Variants in IKZF3 observed in about 807,000 individuals in gnomAD.
The protein encoded by IKZF3 is IKAROS family zinc finger 3.
Under a neutral mutation model 49.0 loss-of-function variants are expected in IKZF3, and 10 were observed. The observed-to-expected ratio is 0.20, with a 90% confidence interval of 0.13 to 0.35. The LOEUF (loss-of-function observed/expected upper bound fraction) is 0.35. Among genes scored for constraint, IKZF3 ranks in the 10% least tolerant of loss-of-function variants. The probability of loss-of-function intolerance (pLI) is 1.00; values close to 1 mark genes in which losing one functional copy is unlikely to be tolerated. For synonymous variants in IKZF3, 209 were observed against 228.2 expected, an observed-to-expected ratio of 0.92 and a Z score of 0.76; for missense variants, 498 against 664.8, an observed-to-expected ratio of 0.75 and a Z score of 2.76.
chr17:39,850,638 T>C, intron 1 of IKZF3, among the ~76,000 whole-genome samples: 1 of 1,972 alleles, frequency 5.1e-4, no homozygotes, highest in South Asian at 0.17. Flanking sequence ...ATATATAGCA[T>C]AAATAACATA....
At chr17:39,802,146 C>T (rs375375105) in intron 3 of IKZF3, among the ~76,000 whole-genome samples, 14 of 148,092 alleles carry the variant, frequency 9.5e-5, no homozygotes, top group African/African-American at 3.5e-4. Flanking sequence ...GCTGTGAACC[C>T]GGGAGGCGGA....
chr17:39,864,281 C>A lies in IKZF3; in HGVS notation c.-155G>T, dbSNP rs1486808006. ...CCGCGTCGGCGCAGACTGAAAAGGG[C>A]AGGAGCCGGCGACCTGCCGGTGCGC... is the stretch of plus-strand genomic sequence containing the variant. On this transcript the variant is annotated 5_prime_UTR_variant, in exon 1 of 8. Coordinates refer to ENST00000346872, the MANE Select transcript of IKZF3 (RefSeq NM_012481.5). 3 of 789,576 alleles carry A rather than the reference C, an allele frequency of 3.8e-6. No individual in the cohort carries two copies. Among genetic ancestry groups the A allele is most frequent in the Non-Finnish European group, 3.9e-6 (2 of 513,906 alleles). The allele number at this position is 789,576 out of a possible 1,614,324, so 48.9% of individuals were successfully genotyped here. A position where few individuals can be genotyped will look rare whatever the true frequency, so the allele number is the denominator to read the frequency against.
At chr17:39,767,775 A>C (rs1416861770) in intron 7 of IKZF3, among the ~76,000 whole-genome samples, 2 of 152,162 alleles carry the variant, frequency 1.3e-5, no homozygotes, top group African/African-American at 4.8e-5. Flanking sequence ...GTATAAGTTA[A>C]AAGTTGGCCG....
In IKZF3 at chr17:39,762,149, A is replaced by G. The variant is rs1482529953; in HGVS notation, c.*3641T>C. ...GGAGTCTGCATGAGAAAGTACAGGT[A>G]CTATCTGAAGCTGCTCCAGGGCTTC... On this transcript the variant is annotated 3_prime_UTR_variant, in exon 8 of 8. Coordinates refer to ENST00000346872, the MANE Select transcript of IKZF3 (RefSeq NM_012481.5). The G allele has an allele frequency of 6.6e-6, 1 of 152,244 alleles. No homozygotes were observed. The highest frequency in any genetic ancestry group is 2.4e-5 in the African/African-American group (1 of 41,456). The allele number at this position is 152,244 out of a possible 1,614,324, so 9.4% of individuals were successfully genotyped here. A position where few individuals can be genotyped will look rare whatever the true frequency, so the allele number is the denominator to read the frequency against.
Position 39,757,906 on chromosome 17 carries a change from T to G in IKZF3, c.*7884A>C, listed in dbSNP as rs2060100607. On this transcript the variant is annotated 3_prime_UTR_variant, in exon 8 of 8. Transcript: ENST00000346872. ...TTCACAGTTCCACACATGGCTGGGCTCCAGGTAGAACTCCATAGGAGTGAC... is the reference window on the plus strand; with the variant it reads ...TTCACAGTTCCACACATGGCTGGGCGCCAGGTAGAACTCCATAGGAGTGAC... The G allele has an allele frequency of 6.6e-6, 1 of 152,182 alleles. No homozygotes were observed. The highest frequency in any genetic ancestry group is 2.1e-4 in the South Asian group (1 of 4,832). 9.4% of individuals were successfully genotyped at this position (152,182 alleles called of 1,614,324 possible).
intron 3 of IKZF3, among the ~76,000 whole-genome samples, chr17:39,823,126 G>A (rs866806194): frequency 6.6e-6 from 1 of 152,182 alleles, no homozygotes; most frequent in African/African-American, 2.4e-5. Context: ...ACTTCCTAGA[G>A]ACTTGTTGAA....
At chr17:39,804,966 G>A (rs933311717) in intron 3 of IKZF3, among the ~76,000 whole-genome samples, 1 of 152,106 alleles carries the variant, frequency 6.6e-6, no homozygotes. Context: ...CGGTAGACCT[G>A]GAAAGCCATA....
chr17:39,845,280 G>A (rs913712744), intron 1 of IKZF3, among the ~76,000 whole-genome samples: 5 of 152,072 alleles, frequency 3.3e-5, no homozygotes, highest in Non-Finnish European at 5.9e-5. Flanking sequence ...CCAGCACTTC[G>A]GAAGGCTGAG....
At chr17:39,798,073 T>C (rs1424253993) in intron 3 of IKZF3, among the ~76,000 whole-genome samples, 2 of 152,152 alleles carry the variant, frequency 1.3e-5, no homozygotes, top group African/African-American at 2.4e-5. Flanking sequence ...AGTGGTTCTA[T>C]CTGTGTATCC....
At chr17:39,820,151 A>C (rs993005493) in intron 3 of IKZF3, among the ~76,000 whole-genome samples, 1 of 152,242 alleles carries the variant, frequency 6.6e-6, no homozygotes, top group Non-Finnish European at 1.5e-5. Flanking sequence ...GAAGGCTGGA[A>C]GGAGAGTAGA....
In IKZF3 at chr17:39,848,443, T is replaced by C. The variant is rs547934262; in HGVS notation, c.7+15677A>G. On this transcript the variant is annotated intron_variant, in intron 1 of 7. Transcript: ENST00000346872. ...GCAGAGAGAAAAGGAAAAATGGGCA[T>C]TTCATGTCATTGCTACTTTAAAAAG... Among the ~76,000 whole-genome samples, 16 of 152,340 alleles carry C rather than the reference T, an allele frequency of 1.1e-4. No homozygotes were observed. In the South Asian group the frequency reaches 2.3e-3, roughly 22 times the overall value.
At position 39,838,514 on chromosome 17, in the gene IKZF3, A is replaced by G. The variant is rs560059848; in HGVS notation, c.8-6363T>C. Among the ~76,000 whole-genome samples the G allele has an allele frequency of 7.2e-5, 11 of 151,934 alleles. No homozygotes were observed. In the East Asian group the frequency reaches 2.1e-3, roughly 29 times the overall value. On this transcript the variant is annotated intron_variant, in intron 1 of 7. Transcript: ENST00000346872. ...TTTTCTATTTGTTTATTAAAAGCAT[A>G]TTTTCCTTTATATCCTTTTCATTTT...
intron 1 of IKZF3, among the ~76,000 whole-genome samples, chr17:39,863,906 G>C (rs185870642): frequency 1.3e-5 from 2 of 152,196 alleles, no homozygotes; most frequent in Non-Finnish European, 1.5e-5. Context: ...AAATAAAATT[G>C]CGAAGAAGTT....
intron 1 of IKZF3, among the ~76,000 whole-genome samples, chr17:39,850,349 TATA>T (rs1431725075): frequency 5.4e-5 from 7 of 130,592 alleles, no homozygotes; most frequent in Non-Finnish European, 9.0e-5. Flanking sequence ...TACATGTACA[TATA>T]ATATATAGCA....
intron 3 of IKZF3, among the ~76,000 whole-genome samples, chr17:39,820,219 G>A (rs1053302497): frequency 1.3e-5 from 2 of 152,142 alleles, no homozygotes; most frequent in Non-Finnish European, 2.9e-5. Context: ...ATTAAAACAG[G>A]GCTGTGTTAA....
At chr17:39,814,434 A>C (rs113115305) in intron 3 of IKZF3, among the ~76,000 whole-genome samples, 3,646 of 152,344 alleles carry the variant, frequency 0.024, 61 homozygotes, top group Non-Finnish European at 0.037. Context: ...ATTTAGTTAC[A>C]GAGCCAGGAG....
At chr17:39,862,947 C>T (rs763782685) in intron 1 of IKZF3, among the ~76,000 whole-genome samples, 10 of 152,040 alleles carry the variant, frequency 6.6e-5, no homozygotes, top group Non-Finnish European at 1.0e-4. Context: ...GTACATTATC[C>T]TTGATACGTG....
At chr17:39,822,113 ACTAT>A (rs2061824530) in intron 3 of IKZF3, among the ~76,000 whole-genome samples, 1 of 152,190 alleles carries the variant, frequency 6.6e-6, no homozygotes, top group African/African-American at 2.4e-5. Flanking sequence ...GAGAAAGGGA[ACTAT>A]CTGACTTCCC....
chr17:39,771,435 G>A (rs2060440096), intron 7 of IKZF3, among the ~76,000 whole-genome samples: 1 of 152,222 alleles, frequency 6.6e-6, no homozygotes, highest in Admixed American at 6.5e-5. Context: ...TAGAGGAGAT[G>A]CAGCATGTAC....
Sources: gnomAD v4.1 joint callset for allele counts (sites outside exome capture counted in the v4.1 genomes callset) on GRCh38, gnomAD v4.1.1 for gene constraint, MANE v1.5 for transcripts, NCBI Gene and HGNC (gene_info 2026-07-23, HGNC 2026-07-21) for gene names.